Variants in YAF2 observed in about 807,000 individuals in gnomAD.
YAF2 encodes YY1-associated factor 2.
YAF2 carries 7 observed loss-of-function variants against 20.1 expected under a neutral mutation model. The observed-to-expected ratio is 0.35, with a 90% CI of 0.20 to 0.65. The LOEUF is 0.65. Ranked by LOEUF, YAF2 falls within the 30% of genes least tolerant of loss-of-function variation. The probability of loss-of-function intolerance (pLI) is 0.69; values close to 1 mark genes in which losing one functional copy is unlikely to be tolerated. For missense variants in YAF2, 151 were observed against 219.2 expected (o/e 0.69, Z 1.96); for synonymous variants, 74 against 76.0 (o/e 0.97, Z 0.14).
At chr12:42,206,107 G>A (rs2067032506) in intron 2 of YAF2, among the ~76,000 whole-genome samples, 2 of 151,784 alleles carry the variant, frequency 1.3e-5, no homozygotes, top group African/African-American at 4.8e-5. Flanking sequence ...TTGTCCGGAG[G>A]AGTACTCATT....
chr12:42,171,563 A>C (rs1169618958), intron 2 of YAF2, among the ~76,000 whole-genome samples: 1 of 152,206 alleles, frequency 6.6e-6, no homozygotes, highest in Non-Finnish European at 1.5e-5. Flanking sequence ...TACTTTTAAA[A>C]ATAAAATCAA....
In YAF2 at chr12:42,168,445, G is replaced by A. The variant is rs1275285635; in HGVS notation, c.153-6680C>T. Among the ~76,000 whole-genome samples, 4 of 152,118 alleles carry A rather than the reference G, an allele frequency of 2.6e-5. No individual in the cohort carries two copies. The East Asian group carries it at 5.8e-4, about 22-fold the overall frequency. ...GATCCACCTGCCTCGGCCTACCAAA[G>A]TGCTGGGATTATAGATGTGAGCCAC... On this transcript the variant is annotated intron_variant, in intron 2 of 3. Coordinates refer to ENST00000534854, the MANE Select transcript of YAF2 (RefSeq NM_005748.6).
At chr12:42,219,972 A>T (rs566570884) in intron 2 of YAF2, among the ~76,000 whole-genome samples, 1 of 152,320 alleles carries the variant, frequency 6.6e-6, no homozygotes, top group East Asian at 1.9e-4. Flanking sequence ...CTGGTAAAAT[A>T]AGACTGAGAA....
At position 42,161,696 on chromosome 12, in the gene YAF2, T is replaced by C; in HGVS notation, c.222A>G (p.Ser74=). 1 of 1,610,590 alleles carries C rather than the reference T, an allele frequency of 6.2e-7. No homozygotes were observed. The highest frequency in any genetic ancestry group is 8.5e-7 in the Non-Finnish European group (1 of 1,179,288). The change falls in exon 3 of 4, where the codon TCA becomes TCG. Residue 74 remains serine, a synonymous_variant. Coordinates refer to ENST00000534854, the MANE Select transcript of YAF2 (RefSeq NM_005748.6). ...VTQQFVPPTQ[S]KKEKKDKVEK... ...CTACTTTATCTTTTTTCTCTTTCTT[T>C]GACTGTGTAGGAGGCACAAACTGCT... is the stretch of plus-strand genomic sequence containing the variant.
chr12:42,176,858 T>C (rs2066208096), intron 2 of YAF2, among the ~76,000 whole-genome samples: 1 of 152,108 alleles, frequency 6.6e-6, no homozygotes, highest in Non-Finnish European at 1.5e-5. Flanking sequence ...TCCCAGCTAC[T>C]CGGGAGGCTA....
intron 2 of YAF2, among the ~76,000 whole-genome samples, chr12:42,223,808 A>T (rs929584958): frequency 1.9e-4 from 28 of 150,106 alleles, no homozygotes; most frequent in African/African-American, 6.4e-4. Flanking sequence ...TCTCACTCAT[A>T]AGTGGGAGTT....
chr12:42,193,815 T>C (rs1344186912), intron 2 of YAF2, among the ~76,000 whole-genome samples: 1 of 152,176 alleles, frequency 6.6e-6, no homozygotes, highest in Non-Finnish European at 1.5e-5. Context: ...GCCATTGTTA[T>C]CACAGCAGAT....
intron 2 of YAF2, among the ~76,000 whole-genome samples, chr12:42,173,580 G>A (rs2066106235): frequency 6.6e-6 from 1 of 152,148 alleles, no homozygotes; most frequent in East Asian, 1.9e-4. Flanking sequence ...AAACATTTAA[G>A]CCCTTTCCAT....
In YAF2 at chr12:42,161,782, A is replaced by G. The variant is rs762301563; in HGVS notation, c.153-17T>C. The G allele has an allele frequency of 1.6e-5, 26 of 1,583,216 alleles. No individual in the cohort carries two copies. In the South Asian group the frequency reaches 2.8e-4, roughly 17 times the overall value. ...CGAGGTTTCCTGTGTGCATGTTAAA[A>G]AGAAAGGTATTTTAAATTACAACTT... On this transcript the variant is annotated splice_polypyrimidine_tract_variant and intron_variant, in intron 2 of 3. Transcript: ENST00000534854.
At chr12:42,176,064 T>C (rs1315069677) in intron 2 of YAF2, among the ~76,000 whole-genome samples, 2 of 152,150 alleles carry the variant, frequency 1.3e-5, no homozygotes, top group East Asian at 1.9e-4. Flanking sequence ...CTGGCCAACA[T>C]GGCGAAACTC....
intron 2 of YAF2, among the ~76,000 whole-genome samples, chr12:42,188,143 A>C (rs1217058564): frequency 6.6e-6 from 1 of 152,174 alleles, no homozygotes; most frequent in Non-Finnish European, 1.5e-5. Flanking sequence ...TCACACAAAA[A>C]TAGGTAATAA....
intron 2 of YAF2, among the ~76,000 whole-genome samples, chr12:42,220,305 T>C (rs2067476338): frequency 6.6e-6 from 1 of 152,070 alleles, no homozygotes; most frequent in Admixed American, 6.5e-5. Flanking sequence ...ATAATACTTT[T>C]ATAATCATGA....
intron 2 of YAF2, chr12:42,235,591 G>A: frequency 1.4e-6 from 2 of 1,434,464 alleles, no homozygotes; most frequent in Non-Finnish European, 9.1e-7. Context: ...GAAGCTGAGA[G>A]GGTCGTGGTG....
chr12:42,232,381 C>T, intron 2 of YAF2: 1 of 961,330 alleles, frequency 1.0e-6, no homozygotes, highest in Non-Finnish European at 1.2e-6. Flanking sequence ...CTCAGGGACT[C>T]TCAGTGTCCC....
chr12:42,197,733 T>A (rs184035675), intron 2 of YAF2, among the ~76,000 whole-genome samples: 1 of 152,226 alleles, frequency 6.6e-6, no homozygotes, highest in Non-Finnish European at 1.5e-5. Context: ...AACATTTATA[T>A]AATCAGACTC....
At chr12:42,232,925 A>G in intron 2 of YAF2, 3 of 985,440 alleles carry the variant, frequency 3.0e-6, no homozygotes, top group Non-Finnish European at 3.6e-6. Flanking sequence ...CTACACATAA[A>G]GGAAAGATCT....
chr12:42,161,205 T>TAG (rs1298910870), intron 3 of YAF2: 1 of 277,324 alleles, frequency 3.6e-6, no homozygotes, highest in African/African-American at 2.3e-5. Flanking sequence ...GGAAGACTGT[T>TAG]ACTCCACTGA....
chr12:42,180,735 G>A (rs1180825167), intron 2 of YAF2, among the ~76,000 whole-genome samples: 4 of 152,126 alleles, frequency 2.6e-5, no homozygotes, highest in Non-Finnish European at 5.9e-5. Flanking sequence ...GATCGCTTGA[G>A]GCCAGGAGTT....
At chr12:42,192,899 T>C (rs2066651326) in intron 2 of YAF2, among the ~76,000 whole-genome samples, 1 of 152,228 alleles carries the variant, frequency 6.6e-6, no homozygotes, top group Non-Finnish European at 1.5e-5. Flanking sequence ...TTCCCTAAGA[T>C]AATGAAGCTG....
Sources: allele counts gnomAD v4.1 joint callset (sites outside exome capture counted in the v4.1 genomes callset), GRCh38; gene constraint gnomAD v4.1.1; transcripts MANE v1.5; gene names NCBI Gene and HGNC (gene_info 2026-07-23, HGNC 2026-07-21).